The following NOX4 variants were observed in gnomAD, a reference collection of about 807,000 sequenced individuals.
The protein encoded by NOX4 is NADPH oxidase 4, also known as kidney oxidase-1.
NOX4 carries 69 observed loss-of-function variants against 87.6 expected under a neutral mutation model. That is an observed-to-expected ratio of 0.79 (90% CI 0.65 to 0.96). NOX4 has a LOEUF of 0.96. Ranked by LOEUF, NOX4 falls within the 40% of genes least tolerant of loss-of-function variation. The probability of loss-of-function intolerance (pLI) is 0.00; values close to 1 mark genes in which losing one functional copy is unlikely to be tolerated. For synonymous variants in NOX4, 275 were observed against 238.2 expected, an observed-to-expected ratio of 1.15 and a Z score of -1.42; for missense variants, 680 against 681.5, an observed-to-expected ratio of 1.00 and a Z score of 0.02.
the NOX4 span, among the ~76,000 whole-genome samples, chr11:89,549,414 A>C: frequency 6.6e-6 from 1 of 152,186 alleles, no homozygotes; most frequent in African/African-American, 2.4e-5. Context: ...TGTTAGTATC[A>C]CATAAAACAC....
chr11:89,352,136 T>C (rs1159686775), intron 13 of NOX4, among the ~76,000 whole-genome samples: 3 of 152,132 alleles, frequency 2.0e-5, no homozygotes, highest in East Asian at 1.9e-4. Flanking sequence ...AGTGGGTGAA[T>C]AATGAGAAAT....
chr11:89,460,390 G>A (rs1945400069), intron 2 of NOX4, among the ~76,000 whole-genome samples: 2 of 152,130 alleles, frequency 1.3e-5, no homozygotes, highest in African/African-American at 2.4e-5. Context: ...CGGAATGGGA[G>A]AAAATTTTTG....
chr11:89,343,857 A>G (rs2095836883), intron 13 of NOX4, among the ~76,000 whole-genome samples: 1 of 152,116 alleles, frequency 6.6e-6, no homozygotes, highest in African/African-American at 2.4e-5. Flanking sequence ...AGGATTGTGT[A>G]TCTAAGATAA....
the NOX4 span, among the ~76,000 whole-genome samples, chr11:89,521,185 T>G: frequency 1.1e-4 from 16 of 151,990 alleles, no homozygotes; most frequent in Non-Finnish European, 2.2e-4. Context: ...AATCTACTCT[T>G]AAATTCATAT....
At chr11:89,486,544 ATG>A (rs1425484097) in intron 2 of NOX4, among the ~76,000 whole-genome samples, 2 of 139,914 alleles carry the variant, frequency 1.4e-5, no homozygotes, top group South Asian at 2.3e-4. Flanking sequence ...ATATACATAT[ATG>A]TGTGTATATA....
intron 11 of NOX4, among the ~76,000 whole-genome samples, chr11:89,392,696 A>G (rs1941212257): frequency 6.6e-6 from 1 of 152,146 alleles, no homozygotes; most frequent in South Asian, 2.1e-4. Flanking sequence ...TTATTTGGGC[A>G]TTGATGACAG....
the NOX4 span, among the ~76,000 whole-genome samples, chr11:89,577,948 T>C: frequency 6.6e-6 from 1 of 152,102 alleles, no homozygotes; most frequent in Non-Finnish European, 1.5e-5. Context: ...AAGTTTAAAA[T>C]TATATATTAA....
chr11:89,366,291 A>C (rs1178714417), intron 12 of NOX4, among the ~76,000 whole-genome samples: 1 of 152,110 alleles, frequency 6.6e-6, no homozygotes, highest in Non-Finnish European at 1.5e-5. Flanking sequence ...ATTCTAATAA[A>C]AATATAACAA....
chr11:89,352,914 G>A (rs1197710518), intron 13 of NOX4, among the ~76,000 whole-genome samples: 15 of 152,080 alleles, frequency 9.9e-5, no homozygotes, highest in Admixed American at 7.9e-4. Flanking sequence ...CCACCTCCTC[G>A]GTTCAAGCAA....
At chr11:89,327,236 T>C (rs762406112) in intron 17 of NOX4, among the ~76,000 whole-genome samples, 15 of 152,182 alleles carry the variant, frequency 9.9e-5, no homozygotes, top group Admixed American at 7.2e-4. Context: ...GCTAAACAGG[T>C]GACTTCTGAA....
chr11:89,412,548 C>T (rs1942536080), intron 8 of NOX4, among the ~76,000 whole-genome samples: 1 of 152,056 alleles, frequency 6.6e-6, no homozygotes, highest in Non-Finnish European at 1.5e-5. Context: ...TTACAATATA[C>T]TCCTGATAAC....
chr11:89,374,759 A>G (rs1039081060), intron 11 of NOX4, among the ~76,000 whole-genome samples: 3 of 152,164 alleles, frequency 2.0e-5, no homozygotes, highest in Non-Finnish European at 2.9e-5. Flanking sequence ...TCATTAGTAG[A>G]ATTGGTATGC....
intron 12 of NOX4, among the ~76,000 whole-genome samples, chr11:89,363,781 C>T (rs553359962): frequency 3.9e-5 from 6 of 151,948 alleles, no homozygotes; most frequent in Admixed American, 6.6e-5. Flanking sequence ...TTAAATCAAG[C>T]GAATGTCCTT....
chr11:89,346,025 G>T (rs528633296), intron 13 of NOX4, among the ~76,000 whole-genome samples: 1 of 152,224 alleles, frequency 6.6e-6, no homozygotes, highest in East Asian at 1.9e-4. Context: ...CTGATGATTT[G>T]CTTCTATACC....
intron 4 of NOX4, among the ~76,000 whole-genome samples, chr11:89,448,751 C>T (rs1362168407): frequency 6.6e-6 from 1 of 151,978 alleles, no homozygotes; most frequent in Admixed American, 6.6e-5. Context: ...GGCATGGTGG[C>T]ACATGCCTGT....
chr11:89,348,139 C>A (rs149013325), intron 13 of NOX4, among the ~76,000 whole-genome samples: 1 of 152,142 alleles, frequency 6.6e-6, no homozygotes, highest in African/African-American at 2.4e-5. Flanking sequence ...TGTCTCTGGT[C>A]AGGTGTGGTG....
At chr11:89,498,298 C>G (rs1426641728), upstream of NOX4, 3 of 152,066 alleles carry the variant, frequency 2.0e-5, no homozygotes, top group African/African-American at 7.2e-5. Flanking sequence ...TGTGGGACAA[C>G]TTAGAAAAGT....
At chr11:89,411,648 C>A (rs1942483733) in intron 8 of NOX4, among the ~76,000 whole-genome samples, 1 of 151,830 alleles carries the variant, frequency 6.6e-6, no homozygotes, top group Non-Finnish European at 1.5e-5. Context: ...AACCACAAAT[C>A]AGAAAACATA....
At chr11:89,359,675 G>T (rs992464356) in intron 12 of NOX4, among the ~76,000 whole-genome samples, 1 of 151,974 alleles carries the variant, frequency 6.6e-6, no homozygotes, top group African/African-American at 2.4e-5. Context: ...TTGTTTGCTA[G>T]AGAGACCCAG....
Sources: gnomAD v4.1 joint callset for allele counts (sites outside exome capture counted in the v4.1 genomes callset) on GRCh38, gnomAD v4.1.1 for gene constraint, MANE v1.5 for transcripts, NCBI Gene and HGNC (gene_info 2026-07-23, HGNC 2026-07-21) for gene names.